LZTFL1: variants seen among roughly 807,000 people sequenced by gnomAD.
The protein encoded by LZTFL1 is leucine zipper transcription factor-like protein 1.
In LZTFL1, 25 loss-of-function variants were observed where a neutral mutation model predicts 45.9. The observed-to-expected ratio is 0.54, with a 90% CI of 0.40 to 0.76. The LOEUF (loss-of-function observed/expected upper bound fraction) is 0.76. Ranked by LOEUF, LZTFL1 falls within the 30% of genes least tolerant of loss-of-function variation. LZTFL1 has a pLI of 0.00. For missense variants in LZTFL1, 277 were observed against 331.1 expected, an observed-to-expected ratio of 0.84 and a Z score of 1.27; for synonymous variants, 93 against 117.4, an observed-to-expected ratio of 0.79 and a Z score of 1.35.
At position 45,900,091 on chromosome 3, in the gene LZTFL1, G is replaced by T. The variant is rs1350773392; in HGVS notation, c.-215+13029C>A. 6.6e-6 allele frequency among the ~76,000 whole-genome samples: 1 copy of T among 152,150 alleles called. No individual in the cohort carries two copies. Among genetic ancestry groups the T allele is most frequent in the African/African-American group, 2.4e-5 (1 of 41,438 alleles). On this transcript the variant is annotated intron_variant, in intron 2 of 4. Coordinates refer to the LZTFL1 transcript ENST00000472635. This position sits in a 1 kb window ranked among gnomAD's most constrained non-coding sequence, Gnocchi z 4.7. Reference sequence around the variant, plus strand: ...GTGTGCTTGTTGGGGCCAGCTTCATGGCTGTGCAACCCACACAGTCACATA... The same window carrying T: ...GTGTGCTTGTTGGGGCCAGCTTCATTGCTGTGCAACCCACACAGTCACATA...
intron 2 of LZTFL1, among the ~76,000 whole-genome samples, chr3:45,869,278 A>C (rs1038880817): frequency 6.6e-6 from 1 of 152,166 alleles, no homozygotes; most frequent in Non-Finnish European, 1.5e-5. Flanking sequence ...CTGATGCTGT[A>C]TGTTTGTTAT....
At chr3:45,862,954 C>T (rs1701514811) in intron 2 of LZTFL1, among the ~76,000 whole-genome samples, 1 of 152,214 alleles carries the variant, frequency 6.6e-6, no homozygotes, top group South Asian at 2.1e-4. Flanking sequence ...ATCTTTGGAG[C>T]TACTCTTGTT....
At chr3:45,864,557 T>C (rs1359433020) in intron 2 of LZTFL1, among the ~76,000 whole-genome samples, 2 of 152,236 alleles carry the variant, frequency 1.3e-5, no homozygotes, top group Non-Finnish European at 2.9e-5. Context: ...TTTATGCCAA[T>C]GTTCAGTGCA....
At chr3:45,914,401 GC>G (rs1303386797) in intron 1 of LZTFL1, among the ~76,000 whole-genome samples, 1 of 151,686 alleles carries the variant, frequency 6.6e-6, no homozygotes, top group Non-Finnish European at 1.5e-5. Flanking sequence ...TGCCACCTCA[GC>G]CTCCCCAGTG....
At chr3:45,844,270 G>A (rs944785043), upstream of LZTFL1, among the ~76,000 whole-genome samples, 1 of 152,204 alleles carries the variant, frequency 6.6e-6, no homozygotes, top group Non-Finnish European at 1.5e-5. Context: ...CCCCTGTTGT[G>A]TGCAAGGTTC....
At chr3:45,853,827 G>A (rs1056119439) in intron 4 of LZTFL1, among the ~76,000 whole-genome samples, 1 of 152,046 alleles carries the variant, frequency 6.6e-6, no homozygotes, top group African/African-American at 2.4e-5. Flanking sequence ...CCCTTTCTTT[G>A]TCCACACCTT....
At chr3:45,841,954 G>A in intron 1 of LZTFL1, 35 bp downstream of exon 1, 1 of 1,609,132 alleles carries the variant, frequency 6.2e-7, no homozygotes, top group Non-Finnish European at 8.5e-7. Context: ...GCTCTCTCCT[G>A]TGCGCGGTGC....
Position 45,827,186 on chromosome 3 carries a change from T to C in LZTFL1, c.881+170A>G, listed in dbSNP as rs1700690143. The C allele has an allele frequency of 8.4e-6, 5 of 597,520 alleles. No individual in the cohort carries two copies. In the Admixed American group the frequency reaches 1.0e-4, roughly 12 times the overall value. The allele number at this position is 597,520 out of a possible 1,614,324, so 37.0% of individuals were successfully genotyped here. On this transcript the variant is annotated intron_variant, in intron 9 of 9. Transcript: ENST00000296135. ...CCTAAAAAGAAGCCCTGGTGGGCAT[T>C]ATAGATAAGGTCAGGCCAGAGCTCC...
chr3:45,845,487 G>A (rs1052051735), upstream of LZTFL1, among the ~76,000 whole-genome samples: 2 of 152,184 alleles, frequency 1.3e-5, no homozygotes, highest in Non-Finnish European at 2.9e-5. Flanking sequence ...TGTGATGATT[G>A]TGAAATTGAG....
At chr3:45,915,159 T>C (rs1167949124) in intron 1 of LZTFL1, among the ~76,000 whole-genome samples, 1 of 152,212 alleles carries the variant, frequency 6.6e-6, no homozygotes, top group Non-Finnish European at 1.5e-5. Context: ...CTCCACCAGA[T>C]GCATGGGGCA....
At position 45,824,481 on chromosome 3, in the gene LZTFL1, T is replaced by C. The variant is rs1700615494; in HGVS notation, c.*1833A>G. 1 of 206,576 alleles carries C rather than the reference T, an allele frequency of 4.8e-6. No individual in the cohort carries two copies. Among genetic ancestry groups the C allele is most frequent in the Admixed American group, 5.9e-5 (1 of 16,892 alleles). 12.8% of individuals were successfully genotyped at this position (206,576 alleles called of 1,614,324 possible). On this transcript the variant is annotated 3_prime_UTR_variant, in exon 10 of 10. Coordinates refer to ENST00000296135, the MANE Select transcript of LZTFL1 (RefSeq NM_020347.4). Reference sequence around the variant, plus strand: ...AGAACATCATATTTGTTTATCTTAATGCTTGGCATAGTTGGTTTTAAGGTT... The same window carrying C: ...AGAACATCATATTTGTTTATCTTAACGCTTGGCATAGTTGGTTTTAAGGTT...
In LZTFL1 at chr3:45,855,181, G is replaced by A. The variant is rs529061080; in HGVS notation, c.-137-107C>T. On this transcript the variant is annotated intron_variant, in intron 3 of 4. Transcript: ENST00000472635. ...ATCCTCAATAAAATACTGGCAAACC[G>A]AATCCAGCAGCACATCAAAAAGCTT... 193 of 628,564 alleles carry A rather than the reference G, an allele frequency of 3.1e-4. 1 individual carries two copies. The highest frequency in any genetic ancestry group is 8.1e-4 in the Middle Eastern group (3 of 3,694). 38.9% of individuals were successfully genotyped at this position (628,564 alleles called of 1,614,324 possible). A position where few individuals can be genotyped will look rare whatever the true frequency, so the allele number is the denominator to read the frequency against.
intron 2 of LZTFL1, among the ~76,000 whole-genome samples, chr3:45,882,471 G>C (rs1237890040): frequency 6.6e-6 from 1 of 152,214 alleles, no homozygotes; most frequent in African/African-American, 2.4e-5. Flanking sequence ...GGAGGCTAAG[G>C]AAGGAGGAGA....
Position 45,912,551 on chromosome 3 carries a change from T to A in LZTFL1, c.-215+569A>T, listed in dbSNP as rs148429240. The stretch of plus-strand genomic sequence containing the variant: ...CTCTTGGAAACCTGCTCAGTGGCCA[T>A]CTGAATAAGCCCAGGCTATCCTGTT... On this transcript the variant is annotated intron_variant, in intron 2 of 4. Coordinates refer to the LZTFL1 transcript ENST00000472635. 7.2e-4 allele frequency among the ~76,000 whole-genome samples: 110 copies of A among 152,270 alleles called. 1 individual carries two copies. The highest frequency in any genetic ancestry group is 2.6e-3 in the African/African-American group (108 of 41,562).
intron 2 of LZTFL1, chr3:45,897,483 G>A (rs1465575200): frequency 3.5e-6 from 3 of 866,754 alleles, no homozygotes; most frequent in Non-Finnish European, 5.6e-6. Flanking sequence ...AGCTGTGCCT[G>A]CTCACCGGGC....
At chr3:45,836,534 A>G (rs1000001111) in intron 2 of LZTFL1, among the ~76,000 whole-genome samples, 3 of 152,114 alleles carry the variant, frequency 2.0e-5, no homozygotes, top group Admixed American at 1.3e-4. Context: ...CACGTGCCTT[A>G]ATCTTAGCTA....
At chr3:45,911,053 T>G (rs1481786279) in intron 2 of LZTFL1, among the ~76,000 whole-genome samples, 1 of 152,172 alleles carries the variant, frequency 6.6e-6, no homozygotes. Context: ...TCAGACCTTT[T>G]ACATGGCAGC....
chr3:45,906,691 T>C (rs1371636856), intron 2 of LZTFL1, among the ~76,000 whole-genome samples: 1 of 152,250 alleles, frequency 6.6e-6, no homozygotes, highest in African/African-American at 2.4e-5. Flanking sequence ...GGTTCCTAGC[T>C]GCTACCTCTC....
chr3:45,842,108 T>C lies in LZTFL1; in HGVS notation c.-117A>G. The C allele has an allele frequency of 6.5e-7, 1 of 1,548,040 alleles. No homozygotes were observed. Among genetic ancestry groups the C allele is most frequent in the South Asian group, 1.2e-5 (1 of 84,488 alleles). On this transcript the variant is annotated 5_prime_UTR_variant, in exon 1 of 10. Coordinates refer to ENST00000296135, the MANE Select transcript of LZTFL1 (RefSeq NM_020347.4). ...AAAATGGGGAAGGAGGGTAGGTTGT[T>C]TAGAAGCCTCTGGTTGCTAACGGAA...
Sources: gnomAD v4.1 joint callset for allele counts (sites outside exome capture counted in the v4.1 genomes callset) on GRCh38, gnomAD v4.1.1 for gene constraint, Gnocchi (gnomAD v3.1) non-coding constraint, MANE v1.5 for transcripts, NCBI Gene and HGNC (gene_info 2026-07-23, HGNC 2026-07-21) for gene names.